Variants in SMCHD1 observed in about 807,000 individuals in gnomAD.
The protein encoded by SMCHD1 is structural maintenance of chromosomes flexible hinge domain containing 1.
Under a neutral mutation model 254.7 loss-of-function variants are expected in SMCHD1, and 78 were observed. The ratio of observed to expected loss-of-function variants is 0.31; its 90% CI spans 0.26 to 0.37. SMCHD1 has a LOEUF of 0.37. Among genes scored for constraint, SMCHD1 ranks in the 10% least tolerant of loss-of-function variants. The pLI is 1.00. For missense variants in SMCHD1, 1,840 were observed against 2,408.1 expected, an observed-to-expected ratio of 0.76 and a Z score of 4.94; for synonymous variants, 766 against 794.9, an observed-to-expected ratio of 0.96 and a Z score of 0.61.
Position 2,712,216 on chromosome 18 carries a change from G to C in SMCHD1, c.2260+4296G>C, listed in dbSNP as rs976774872. On this transcript the variant is annotated intron_variant, in intron 17 of 47. Transcript: ENST00000320876. The stretch of plus-strand genomic sequence containing the variant: ...CAATATTCATAAGGGATTTTGGTCT[G>C]TAGTTTTCTTTTTCCTTTTTTTTTT... 4.9e-5 allele frequency among the ~76,000 whole-genome samples: 7 copies of C among 142,794 alleles called. No individual in the cohort carries two copies. The East Asian group carries it at 1.1e-3, about 22-fold the overall frequency. 93.7% of individuals were successfully genotyped at this position (142,794 alleles called of 152,430 possible).
At chr18:2,764,581 T>A (rs2075836954) in intron 37 of SMCHD1, among the ~76,000 whole-genome samples, 1 of 152,178 alleles carries the variant, frequency 6.6e-6, no homozygotes, top group Non-Finnish European at 1.5e-5. Context: ...CATCTGTAGA[T>A]TCAAAAATAA....
In SMCHD1 at chr18:2,729,314, T is replaced by A; in HGVS notation, c.2953T>A (p.Cys985Ser). 6.4e-7 allele frequency: 1 copy of A among 1,558,072 alleles called. No individual in the cohort carries two copies. The highest frequency in any genetic ancestry group is 8.7e-7 in the Non-Finnish European group (1 of 1,152,324). Reference protein sequence around the residue: ...APNLPVYVVDCSSSGTSILTG... With the variant: ...APNLPVYVVDSSSSGTSILTG... ...AAACCTTCCAGTCTATGTTGTAGAT[T>A]GCAGTAGTTCTGGAACCAGTATTTT... The change falls in exon 24 of 48, where the codon TGC (cysteine) becomes AGC (serine). Residue 985 changes from cysteine (C) to serine (S), a missense_variant. By Grantham distance (112) the Cys-to-Ser change is moderately radical. This residue lies in a region of SMCHD1 where 881 missense variants were observed against 1,009.5 expected (regional missense o/e 0.87). Transcript: ENST00000320876.
chr18:2,717,526 C>CTG (rs2074828276), intron 17 of SMCHD1, among the ~76,000 whole-genome samples: 1 of 152,092 alleles, frequency 6.6e-6, no homozygotes, highest in South Asian at 2.1e-4. Flanking sequence ...AGAGACAAGC[C>CTG]ATCACTATAT....
intron 3 of SMCHD1, 136 bp from the exon 4 acceptor site, chr18:2,673,145 A>G (rs2073657200): frequency 3.8e-6 from 5 of 1,328,344 alleles, no homozygotes; most frequent in Middle Eastern, 2.1e-4. Flanking sequence ...ATTATGTATT[A>G]TATCATTAGG....
chr18:2,798,527 CAT>C (rs971917630), intron 47 of SMCHD1, among the ~76,000 whole-genome samples: 10 of 152,318 alleles, frequency 6.6e-5, no homozygotes, highest in South Asian at 4.1e-4. Context: ...ATAGAAAAGA[CAT>C]GTGTATGAAC....
intron 34 of SMCHD1, among the ~76,000 whole-genome samples, chr18:2,755,872 T>A (rs1350863150): frequency 6.6e-6 from 1 of 152,068 alleles, no homozygotes; most frequent in Non-Finnish European, 1.5e-5. Flanking sequence ...CGGCCGTGTA[T>A]TTTCTTTTTC....
Position 2,802,667 on chromosome 18 carries a change from C to A in SMCHD1, c.*115C>A. On this transcript the variant is annotated 3_prime_UTR_variant, in exon 48 of 48. Transcript: ENST00000320876. ...AGACTGAGTATTTCTGGGGACAATA[C>A]AAGTACCTGGGCATGAATTTCCATT... 1 of 902,368 alleles carries A rather than the reference C, an allele frequency of 1.1e-6. No homozygotes were observed. 55.9% of individuals were successfully genotyped at this position (902,368 alleles called of 1,614,324 possible).
In SMCHD1 at chr18:2,796,885, G is replaced by A. The variant is rs192856769; in HGVS notation, c.5993+364G>A. 2.0e-3 allele frequency: 347 copies of A among 169,760 alleles called. 1 individual carries two copies. The highest frequency in any genetic ancestry group is 7.9e-3 in the Middle Eastern group (3 of 382). 10.5% of individuals were successfully genotyped at this position (169,760 alleles called of 1,614,324 possible). A position where few individuals can be genotyped will look rare whatever the true frequency, so the allele number is the denominator to read the frequency against. ...GGTGTGAGCCACTGCATCTGACTTG[G>A]TCATCATACTTTAAAAACAGTATGA... On this transcript the variant is annotated intron_variant, in intron 47 of 47. Transcript: ENST00000320876.
Position 2,666,254 on chromosome 18 carries a change from G to C in SMCHD1, c.262+22G>C, listed in dbSNP as rs1598283191. ...TTTGGTAGGTAAACAGTGTTACTAAGTTGATGCTTTTATATTTAATAAGGT... is the reference window on the plus strand; with the variant it reads ...TTTGGTAGGTAAACAGTGTTACTAACTTGATGCTTTTATATTTAATAAGGT... On this transcript the variant is annotated intron_variant, in intron 2 of 47. Coordinates refer to ENST00000320876, the MANE Select transcript of SMCHD1 (RefSeq NM_015295.3). The C allele has an allele frequency of 2.6e-6, 3 of 1,164,206 alleles. No individual in the cohort carries two copies. In the East Asian group the frequency reaches 7.2e-5, roughly 28 times the overall value. 72.1% of individuals were successfully genotyped at this position (1,164,206 alleles called of 1,614,324 possible).
intron 43 of SMCHD1, 62 bp downstream of exon 43, chr18:2,777,977 A>G: frequency 1.8e-6 from 2 of 1,130,378 alleles, no homozygotes; most frequent in Non-Finnish European, 2.5e-6. Context: ...ACAAATCTAT[A>G]AATTACTGAT....
intron 31 of SMCHD1, 113 bp downstream of exon 31, chr18:2,750,235 G>T: frequency 7.1e-7 from 1 of 1,404,182 alleles, no homozygotes; most frequent in East Asian, 2.4e-5. Context: ...CAAGAGTTGG[G>T]ACTGAATAGA....
chr18:2,717,106 C>A (rs989041655), intron 17 of SMCHD1, among the ~76,000 whole-genome samples: 1 of 152,152 alleles, frequency 6.6e-6, no homozygotes, highest in Non-Finnish European at 1.5e-5. Context: ...CTGTGCAGCC[C>A]GCTGTGACTT....
At position 2,703,866 on chromosome 18, in the gene SMCHD1, A is replaced by T. The variant is rs752860329; in HGVS notation, c.1822A>T (p.Ile608Leu). The T allele has an allele frequency of 6.2e-7, 1 of 1,605,992 alleles. No homozygotes were observed. Among genetic ancestry groups the T allele is most frequent in the East Asian group, 2.2e-5 (1 of 44,714 alleles). The change falls in exon 13 of 48, where the codon ATA becomes TTA. Residue 608 changes from isoleucine (I) to leucine (L), a missense_variant. Ile to Leu is a conservative substitution (Grantham distance 5). This residue lies in a region of SMCHD1 where 498 missense variants were observed against 743.5 expected (regional missense o/e 0.67). Transcript: ENST00000320876. ...TYAAIEWDGK[I>L]YKAGQLVKTI... ...TGCAGCAATAGAATGGGATGGAAAG[A>T]TATACAAAGCAGGACAGCTGGTAGG...
chr18:2,656,478 C>A (rs542364229), intron 1 of SMCHD1, among the ~76,000 whole-genome samples: 2 of 152,346 alleles, frequency 1.3e-5, no homozygotes, highest in African/African-American at 4.8e-5. Flanking sequence ...GCCGGCTCCC[C>A]CGTGGCCCTC....
rs115632137 is a variant in SMCHD1, at chr18:2,740,800, A to G, written c.3612A>G (p.Ser1204=). ...LSIAGVGLDS[S]NLKTTFQENT... ...TTGCTGGGGTTGGACTTGATAGCTCAAATTTGAAAACAACCTTTCAGGTAT... is the reference window on the plus strand; with the variant it reads ...TTGCTGGGGTTGGACTTGATAGCTCGAATTTGAAAACAACCTTTCAGGTAT... Residue 1204 remains serine (S), a synonymous_variant, in exon 28 of 48, where the codon TCA becomes TCG. Transcript: ENST00000320876. 1 of 1,605,244 alleles carries G rather than the reference A, an allele frequency of 6.2e-7. No homozygotes were observed. The highest frequency in any genetic ancestry group is 8.5e-7 in the Non-Finnish European group (1 of 1,174,352).
chr18:2,798,271 CTT>C (rs2076296862), intron 47 of SMCHD1, among the ~76,000 whole-genome samples: 1 of 152,160 alleles, frequency 6.6e-6, no homozygotes, highest in African/African-American at 2.4e-5. Flanking sequence ...ATTGATATCT[CTT>C]GAGTATCACA....
chr18:2,668,397 A>G (rs1274899693), intron 3 of SMCHD1, among the ~76,000 whole-genome samples: 3 of 152,194 alleles, frequency 2.0e-5, no homozygotes, highest in African/African-American at 7.2e-5. Flanking sequence ...AATGTTAGGA[A>G]ATAATATAGG....
intron 34 of SMCHD1, among the ~76,000 whole-genome samples, chr18:2,756,657 A>G (rs376173466): frequency 3.9e-5 from 6 of 152,142 alleles, no homozygotes; most frequent in African/African-American, 7.2e-5. Context: ...GTGCAGTGGC[A>G]TGATCTCAGC....
chr18:2,782,831 A>G (rs2143807789), intron 44 of SMCHD1, among the ~76,000 whole-genome samples: 1 of 151,692 alleles, frequency 6.6e-6, no homozygotes, highest in Non-Finnish European at 1.5e-5. Context: ...TAGCACATGA[A>G]GCCAGTTTGT....
Sources: allele counts gnomAD v4.1 joint callset (sites outside exome capture counted in the v4.1 genomes callset), GRCh38; gene constraint gnomAD v4.1.1; regional missense constraint gnomAD v4.1.1; transcripts MANE v1.5; gene names NCBI Gene and HGNC (gene_info 2026-07-23, HGNC 2026-07-21).